The following SAMSN1 variants were observed in gnomAD, a reference collection of about 807,000 sequenced individuals.
SAMSN1 encodes SAM domain-containing protein SAMSN-1.
In SAMSN1, 31 loss-of-function variants were observed where a neutral mutation model predicts 42.0. The ratio of observed to expected loss-of-function variants is 0.74; its 90% CI spans 0.55 to 1.00. The LOEUF (loss-of-function observed/expected upper bound fraction) is 1.00, where lower values mean the gene tolerates loss of function less well. Ranked by LOEUF, SAMSN1 falls within the 50% of genes least tolerant of loss-of-function variation. The pLI, the probability that SAMSN1 is intolerant of heterozygous loss-of-function variation, is 0.00. For missense variants in SAMSN1, 464 were observed against 439.4 expected (o/e 1.06, Z -0.50); for synonymous variants, 178 against 151.9 (o/e 1.17, Z -1.26).
chr21:14,600,197 G>T (rs1334051782), intron 6 of SAMSN1, among the ~76,000 whole-genome samples: 1 of 152,124 alleles, frequency 6.6e-6, no homozygotes, highest in Non-Finnish European at 1.5e-5. Flanking sequence ...AAGCCACTTT[G>T]CTACTCACAC....
chr21:14,658,755 A>C (rs1983954107), exon 1 of SAMSN1: 1 of 715,512 alleles, frequency 1.4e-6, no homozygotes, highest in Non-Finnish European at 2.6e-6. Context: ...TACCAGCGAA[A>C]TGCAGAAAAG....
At chr21:14,490,747 G>C (rs1986649655) in intron 7 of SAMSN1, among the ~76,000 whole-genome samples, 2 of 152,204 alleles carry the variant, frequency 1.3e-5, no homozygotes, top group Admixed American at 6.5e-5. Context: ...CTGAGGCCAT[G>C]AGAAGATATG....
Position 14,558,379 on chromosome 21 carries a change from A to T in SAMSN1, c.261+23757T>A, listed in dbSNP as rs117214005. On this transcript the variant is annotated intron_variant, in intron 2 of 8. Coordinates refer to the SAMSN1 transcript ENST00000285670. ...GAAACACGCATGCTACGAACTATTT[A>T]AAAAAAAAACACTTTCAGCTGGGCG... Among the ~76,000 whole-genome samples the T allele has an allele frequency of 2.8e-3, 411 of 149,042 alleles. 2 individuals carry two copies. Among genetic ancestry groups the T allele is most frequent in the Non-Finnish European group, 4.8e-3 (322 of 67,028 alleles).
At chr21:14,619,361 G>T (rs935537748) in intron 2 of SAMSN1, among the ~76,000 whole-genome samples, 3 of 152,200 alleles carry the variant, frequency 2.0e-5, no homozygotes, top group African/African-American at 7.2e-5. Flanking sequence ...GGCAGCAATT[G>T]ATGATGTAAA....
At chr21:14,603,435 G>T (rs1982488333) in intron 5 of SAMSN1, among the ~76,000 whole-genome samples, 4 of 152,176 alleles carry the variant, frequency 2.6e-5, no homozygotes, top group Admixed American at 2.6e-4. Flanking sequence ...ATGACTCAGA[G>T]AACTTGTGGA....
Position 14,599,646 on chromosome 21 carries a change from C to T in SAMSN1, c.399+2377G>A, listed in dbSNP as rs142401825. On this transcript the variant is annotated intron_variant, in intron 6 of 15. Coordinates refer to the SAMSN1 transcript ENST00000647101. The stretch of plus-strand genomic sequence containing the variant: ...TCACTCTATTAGTTCCTGCGAGAGC[C>T]AGTTGTTTCAAAGAGCTAGGGGTGC... Among the ~76,000 whole-genome samples the T allele has an allele frequency of 7.3e-4, 111 of 152,092 alleles. 1 individual carries two copies. The South Asian group carries it at 7.7e-3, about 11-fold the overall frequency.
chr21:14,544,292 T>G (rs1283074699), intron 1 of SAMSN1, among the ~76,000 whole-genome samples: 2 of 152,132 alleles, frequency 1.3e-5, no homozygotes, highest in Non-Finnish European at 2.9e-5. Flanking sequence ...CTCAAGTGAT[T>G]TACGCACCTC....
At chr21:14,593,987 G>T in intron 7 of SAMSN1, 1 of 715,226 alleles carries the variant, frequency 1.4e-6, no homozygotes, top group Non-Finnish European at 2.6e-6. Context: ...CACTTAAATA[G>T]TTACATCTGG....
intron 2 of SAMSN1, among the ~76,000 whole-genome samples, chr21:14,561,889 C>T (rs763395660): frequency 6.6e-6 from 1 of 152,122 alleles, no homozygotes; most frequent in Non-Finnish European, 1.5e-5. Flanking sequence ...TCAAGGAATG[C>T]CTAATGCCCA....
upstream of SAMSN1, among the ~76,000 whole-genome samples, chr21:14,587,008 C>T (rs1981938959): frequency 6.6e-6 from 1 of 152,150 alleles, no homozygotes; most frequent in African/African-American, 2.4e-5. Context: ...AACAGAGATC[C>T]TTCCAGGAAG....
chr21:14,538,146 C>T (rs372166499), intron 1 of SAMSN1, among the ~76,000 whole-genome samples: 29 of 152,108 alleles, frequency 1.9e-4, no homozygotes, highest in Non-Finnish European at 3.4e-4. Flanking sequence ...TTGGAGCGGA[C>T]GGAGGTAATA....
chr21:14,610,981 A>C (rs1251629156), intron 4 of SAMSN1, among the ~76,000 whole-genome samples: 1 of 152,184 alleles, frequency 6.6e-6, no homozygotes, highest in Non-Finnish European at 1.5e-5. Context: ...GTTGGAGTAC[A>C]GTGGTGTGAT....
chr21:14,654,690 A>C (rs1002858700), intron 1 of SAMSN1, among the ~76,000 whole-genome samples: 1 of 151,942 alleles, frequency 6.6e-6, no homozygotes, highest in African/African-American at 2.4e-5. Context: ...AATATGAAAC[A>C]AGCTACCAAT....
chr21:14,493,281 A>G (rs1418066805), intron 7 of SAMSN1, among the ~76,000 whole-genome samples: 1 of 152,168 alleles, frequency 6.6e-6, no homozygotes, highest in African/African-American at 2.4e-5. Flanking sequence ...CATTGTATAC[A>G]GATTCTGTAA....
intron 2 of SAMSN1, among the ~76,000 whole-genome samples, chr21:14,625,207 A>C (rs1983133012): frequency 6.6e-6 from 1 of 152,160 alleles, no homozygotes; most frequent in Non-Finnish European, 1.5e-5. Flanking sequence ...ATTCCCTTTG[A>C]AAACTGGCAC....
At chr21:14,593,956 G>A (rs1982170816) in intron 7 of SAMSN1, 2 of 710,940 alleles carry the variant, frequency 2.8e-6, no homozygotes, top group Admixed American at 2.0e-5. Context: ...ATTAAAATGA[G>A]TGGAAAAGAG....
intron 2 of SAMSN1, among the ~76,000 whole-genome samples, chr21:14,630,094 G>A (rs945803645): frequency 6.6e-6 from 1 of 152,096 alleles, no homozygotes; most frequent in African/African-American, 2.4e-5. Flanking sequence ...AAATCCGATG[G>A]GTAAAAATGT....
chr21:14,621,373 A>G (rs1568833894), intron 2 of SAMSN1, among the ~76,000 whole-genome samples: 1 of 152,196 alleles, frequency 6.6e-6, no homozygotes, highest in African/African-American at 2.4e-5. Context: ...AGCACAAGGG[A>G]CCAGGGAATC....
intron 1 of SAMSN1, among the ~76,000 whole-genome samples, chr21:14,536,553 T>A (rs1308025232): frequency 6.6e-6 from 1 of 152,220 alleles, no homozygotes; most frequent in Non-Finnish European, 1.5e-5. Flanking sequence ...TGATTACAGA[T>A]TCATATTCTG....
Sources: gnomAD v4.1 joint callset for allele counts (sites outside exome capture counted in the v4.1 genomes callset) on GRCh38, gnomAD v4.1.1 for gene constraint, MANE v1.5 for transcripts, NCBI Gene and HGNC (gene_info 2026-07-23, HGNC 2026-07-21) for gene names.